The following COQ8A variants were observed in gnomAD, a reference collection of about 807,000 sequenced individuals.
COQ8A encodes the protein atypical kinase COQ8A, mitochondrial.
A neutral mutation model predicts 65.0 loss-of-function variants in COQ8A; 51 were observed. The observed-to-expected ratio is 0.78, with a 90% CI of 0.63 to 0.99. The LOEUF (loss-of-function observed/expected upper bound fraction) is 0.99. Among genes scored for constraint, COQ8A ranks in the 50% least tolerant of loss-of-function variants. The probability of loss-of-function intolerance (pLI) is 0.00; values close to 1 mark genes in which losing one functional copy is unlikely to be tolerated. For missense variants in COQ8A, 940 were observed against 875.0 expected (o/e 1.07, Z -0.94); for synonymous variants, 371 against 353.2 (o/e 1.05, Z -0.57).
intron 5 of COQ8A, among the ~76,000 whole-genome samples, chr1:226,981,344 C>T (rs945486192): frequency 5.3e-5 from 8 of 152,200 alleles, no homozygotes; most frequent in African/African-American, 9.6e-5. Context: ...GCTCCTGAGT[C>T]GCGGCCCTCA....
At chr1:226,960,466 G>GTGGTACTTGGTGGTGGCAGTACT (rs1658156971) in intron 1 of COQ8A, among the ~76,000 whole-genome samples, 1 of 7,372 alleles carries the variant, frequency 1.4e-4, no homozygotes, top group East Asian at 3.8e-3. Flanking sequence ...GCAGTACTTG[G>GTGGTACTTGGTGGTGGCAGTACT]TGGTGGTGGC....
chr1:226,981,473 C>A (rs567084072), intron 5 of COQ8A, among the ~76,000 whole-genome samples: 1 of 152,242 alleles, frequency 6.6e-6, no homozygotes, highest in Non-Finnish European at 1.5e-5. Flanking sequence ...ACGGGAGAGA[C>A]GGGCACCCCT....
chr1:226,966,955 A>C lies in COQ8A; in HGVS notation c.655+1218A>C, dbSNP rs114797205. 6.0e-3 allele frequency among the ~76,000 whole-genome samples: 910 copies of C among 152,284 alleles called. 10 individuals are homozygous for C. The highest frequency in any genetic ancestry group is 0.021 in the African/African-American group (856 of 41,556). ...ACTGGATAGAATTTTCTCAGCAGTAAGGTTTTCTTTCATAATTTTTACCTT... is the reference window on the plus strand; with the variant it reads ...ACTGGATAGAATTTTCTCAGCAGTACGGTTTTCTTTCATAATTTTTACCTT... On this transcript the variant is annotated intron_variant, in intron 4 of 14. Coordinates refer to ENST00000366777, the MANE Select transcript of COQ8A (RefSeq NM_020247.5).
At chr1:226,979,128 G>A (rs1027976070) in intron 5 of COQ8A, among the ~76,000 whole-genome samples, 2 of 152,240 alleles carry the variant, frequency 1.3e-5, no homozygotes, top group Non-Finnish European at 2.9e-5. Context: ...AGTCTATGCA[G>A]AGGCACCTCA....
chr1:226,961,394 C>T lies in COQ8A; in HGVS notation c.9C>T (p.Ala3=). The change falls in exon 2 of 15, where the codon GCC becomes GCT. Residue 3 remains alanine, a synonymous_variant. Coordinates refer to ENST00000366777, the MANE Select transcript of COQ8A (RefSeq NM_020247.5). ...TCTTCCAGCCCTGAAGGATGGCTGC[C>T]ATATTGGGAGACACCATCATGGTGG... The part of the protein sequence containing the change: MA[A]ILGDTIMVAK... 7.4e-6 allele frequency: 12 copies of T among 1,613,776 alleles called. No individual in the cohort carries two copies. The highest frequency in any genetic ancestry group is 1.0e-5 in the Non-Finnish European group (12 of 1,180,034).
rs533760268 is a variant in COQ8A, at chr1:226,979,395, G to A, written c.730+1872G>A. On this transcript the variant is annotated intron_variant, in intron 5 of 14. Transcript: ENST00000366777. ...CACGGGGGGCGGGCCAGGTAGGTGC[G>A]AGGTCAGCCCAGCAGGGGCTTTCCT... is the stretch of plus-strand genomic sequence containing the variant. Among the ~76,000 whole-genome samples, 3 of 152,338 alleles carry A rather than the reference G, an allele frequency of 2.0e-5. No homozygotes were observed. The East Asian group carries it at 5.8e-4, about 29-fold the overall frequency.
intron 1 of COQ8A, 22 bp from the exon 2 acceptor site, chr1:226,961,355 G>T: frequency 6.2e-7 from 1 of 1,613,044 alleles, no homozygotes; most frequent in South Asian, 1.1e-5. Context: ...GGCCTCCCCT[G>T]ACTTGGCCTC....
chr1:226,940,504 GAC>G (rs1454101723), intron 1 of COQ8A, 105 bp downstream of exon 1: 4 of 152,362 alleles, frequency 2.6e-5, no homozygotes, highest in Non-Finnish European at 4.4e-5. Flanking sequence ...CTCTTCATGT[GAC>G]AGCGCAGCTT....
In COQ8A at chr1:226,961,396, T is replaced by A. The variant is rs202075418; in HGVS notation, c.11T>A (p.Ile4Lys). Residue 4 changes from isoleucine (I) to lysine (K), a missense_variant, in exon 2 of 15, where the codon ATA becomes AAA. By Grantham distance (102) the Ile-to-Lys change is moderately radical (BLOSUM62 -3). Transcript: ENST00000366777. ...TTCCAGCCCTGAAGGATGGCTGCCA[T>A]ATTGGGAGACACCATCATGGTGGCT... MAA[I>K]LGDTIMVAKG... 1.8e-4 allele frequency: 285 copies of A among 1,613,572 alleles called. No homozygotes were observed. The highest frequency in any genetic ancestry group is 2.4e-4 in the Non-Finnish European group (279 of 1,180,002).
At position 226,956,825 on chromosome 1, in the gene COQ8A, G is replaced by A. The variant is rs111931949; in HGVS notation, c.-9-4552G>A. ...ACACTCTCCCTGGCTGCCACTCCCT[G>A]GTTCACACTCTCCCTGGCTCTCACT... On this transcript the variant is annotated intron_variant, in intron 1 of 14. Coordinates refer to ENST00000366777, the MANE Select transcript of COQ8A (RefSeq NM_020247.5). Among the ~76,000 whole-genome samples the A allele has an allele frequency of 7.2e-3, 626 of 87,200 alleles. 11 individuals carry two copies. Among genetic ancestry groups the A allele is most frequent in the African/African-American group, 0.029 (592 of 20,170 alleles). 57.2% of individuals were successfully genotyped at this position (87,200 alleles called of 152,430 possible). A position where few individuals can be genotyped will look rare whatever the true frequency, so the allele number is the denominator to read the frequency against.
In COQ8A at chr1:226,972,079, T is replaced by A. The variant is rs1476866338; in HGVS notation, c.656-5370T>A. Among the ~76,000 whole-genome samples the A allele has an allele frequency of 6.6e-6, 1 of 152,194 alleles. No homozygotes were observed. The highest frequency in any genetic ancestry group is 1.5e-5 in the Non-Finnish European group (1 of 68,042). On this transcript the variant is annotated intron_variant, in intron 4 of 14. Coordinates refer to ENST00000366777, the MANE Select transcript of COQ8A (RefSeq NM_020247.5). This position sits in a 1 kb window ranked among gnomAD's most constrained non-coding sequence, Gnocchi z 4.3. ...GTCTTGCAGGTTTAGAGGAGATGACTTATCTCCTCTGTACCTATACATTGA... is the reference window on the plus strand; with the variant it reads ...GTCTTGCAGGTTTAGAGGAGATGACATATCTCCTCTGTACCTATACATTGA...
chr1:226,956,011 C>T (rs1657716685), intron 1 of COQ8A, among the ~76,000 whole-genome samples: 7 of 121,340 alleles, frequency 5.8e-5, no homozygotes, highest in East Asian at 2.9e-4. Context: ...CTCTCCCTGG[C>T]TCCCACTCTC....
Position 226,961,412 on chromosome 1 carries a change from C to T in COQ8A, c.27C>T (p.Ile9=), listed in dbSNP as rs1280718957. The change falls in exon 2 of 15, where the codon ATC becomes ATT. Residue 9 remains isoleucine, a synonymous_variant. Coordinates refer to ENST00000366777, the MANE Select transcript of COQ8A (RefSeq NM_020247.5). MAAILGDT[I]MVAKGLVKLT... The stretch of plus-strand genomic sequence containing the variant: ...TGGCTGCCATATTGGGAGACACCAT[C>T]ATGGTGGCTAAAGGCCTTGTCAAGC... 6.2e-7 allele frequency: 1 copy of T among 1,613,828 alleles called. No homozygotes were observed. Among genetic ancestry groups the T allele is most frequent in the Non-Finnish European group, 8.5e-7 (1 of 1,180,042 alleles).
intron 1 of COQ8A, among the ~76,000 whole-genome samples, chr1:226,943,878 C>T (rs987641890): frequency 5.9e-5 from 9 of 152,016 alleles, no homozygotes; most frequent in East Asian, 1.9e-4. Context: ...AGTGGTGATG[C>T]GGTATGTGTG....
chr1:226,983,446 G>C lies in COQ8A; in HGVS notation c.1081-106G>C, dbSNP rs188605414. 7.8e-4 allele frequency: 827 copies of C among 1,057,164 alleles called. 9 individuals are homozygous for C. In the East Asian group the frequency reaches 0.014, roughly 18 times the overall value. The allele number at this position is 1,057,164 out of a possible 1,614,324, so 65.5% of individuals were successfully genotyped here. A position where few individuals can be genotyped will look rare whatever the true frequency, so the allele number is the denominator to read the frequency against. On this transcript the variant is annotated intron_variant, in intron 8 of 14. Coordinates refer to ENST00000366777, the MANE Select transcript of COQ8A (RefSeq NM_020247.5). Reference sequence around the variant, plus strand: ...CTCTGGTTCTCCAGGGTGTGGGCTGGGGCCAGGACACAGCTGGGAAGCCAG... The same window carrying C: ...CTCTGGTTCTCCAGGGTGTGGGCTGCGGCCAGGACACAGCTGGGAAGCCAG...
intron 1 of COQ8A, among the ~76,000 whole-genome samples, chr1:226,952,656 C>T (rs991096750): frequency 6.6e-6 from 1 of 152,210 alleles, no homozygotes; most frequent in African/African-American, 2.4e-5. Context: ...AAGCAATCTT[C>T]CCACCTTGGC....
chr1:226,983,768 C>G lies in COQ8A; in HGVS notation c.1170C>G (p.Phe390Leu). Residue 390 changes from phenylalanine to leucine, a missense_variant, in exon 10 of 15, where the codon TTC becomes TTG. By Grantham distance (22) the Phe-to-Leu change is conservative. Transcript: ENST00000366777. The stretch of plus-strand genomic sequence containing the variant: ...CCCTCCTCCCTGGCCCAGGCCTGTT[C>G]CCCGAGCACCTGATCGACGTGCTGA... ...NMSNMLPEGL[F>L]PEHLIDVLRR... 1 of 1,613,100 alleles carries G rather than the reference C, an allele frequency of 6.2e-7. No homozygotes were observed. The highest frequency in any genetic ancestry group is 8.5e-7 in the Non-Finnish European group (1 of 1,179,986).
intron 5 of COQ8A, among the ~76,000 whole-genome samples, chr1:226,977,824 T>C (rs1408248027): frequency 6.6e-6 from 1 of 151,360 alleles, no homozygotes; most frequent in Non-Finnish European, 1.5e-5. Flanking sequence ...ACACACCCCC[T>C]GCACACCCAC....
chr1:226,983,287 A>C, intron 8 of COQ8A: 1 of 672,834 alleles, frequency 1.5e-6, no homozygotes, highest in Non-Finnish European at 2.5e-6. Flanking sequence ...GACAGGGGAC[A>C]AGTGATTGCT....
Sources: allele counts gnomAD v4.1 joint callset (sites outside exome capture counted in the v4.1 genomes callset), GRCh38; gene constraint gnomAD v4.1.1; non-coding constraint Gnocchi (gnomAD v3.1); transcripts MANE v1.5; gene names NCBI Gene and HGNC (gene_info 2026-07-23, HGNC 2026-07-21).